Variants in FGF14 observed in about 807,000 individuals in gnomAD.
FGF14 encodes fibroblast growth factor 14.
A neutral mutation model predicts 25.5 loss-of-function variants in FGF14; 5 were observed. That is an observed-to-expected ratio of 0.20 (90% CI 0.10 to 0.41). The LOEUF is 0.41. Ranked by LOEUF, FGF14 falls within the 10% of genes least tolerant of loss-of-function variation. The pLI, the probability that FGF14 is intolerant of heterozygous loss-of-function variation, is 1.00. For missense variants in FGF14, 222 were observed against 320.1 expected (o/e 0.69, Z 2.34); for synonymous variants, 138 against 118.3 (o/e 1.17, Z -1.08).
At chr13:101,830,064 A>G (rs887116312) in intron 3 of FGF14, among the ~76,000 whole-genome samples, 16 of 152,074 alleles carry the variant, frequency 1.1e-4, no homozygotes, top group African/African-American at 3.6e-4. Flanking sequence ...AATCTCCTGA[A>G]GTATTAGTTA....
At chr13:101,836,485 A>C (rs888226632) in intron 3 of FGF14, among the ~76,000 whole-genome samples, 1 of 152,128 alleles carries the variant, frequency 6.6e-6, no homozygotes, top group Admixed American at 6.6e-5. Context: ...TACCTGAGGT[A>C]ACAACCGAAG....
At chr13:102,314,069 C>A (rs1287542496) in intron 1 of FGF14, among the ~76,000 whole-genome samples, 1 of 151,552 alleles carries the variant, frequency 6.6e-6, no homozygotes, top group Non-Finnish European at 1.5e-5. Context: ...AGGGGCCACG[C>A]AAGCCATCTT....
intron 1 of FGF14, among the ~76,000 whole-genome samples, chr13:102,161,569 GAAAGAA>G (rs772230364): frequency 0.086 from 1,554 of 18,128 alleles, 56 homozygotes; most frequent in Non-Finnish European, 0.087. Flanking sequence ...TTTCTGTGAA[GAAAGAA>G]AGAAGAAGAA....
At chr13:101,741,951 A>G (rs1271826772) in intron 3 of FGF14, among the ~76,000 whole-genome samples, 16 of 152,152 alleles carry the variant, frequency 1.1e-4, no homozygotes, top group Non-Finnish European at 8.8e-5. Flanking sequence ...ACTTTTAAGG[A>G]TAATAGAAAA....
chr13:101,944,157 G>C (rs1035628824), intron 1 of FGF14, among the ~76,000 whole-genome samples: 23 of 152,072 alleles, frequency 1.5e-4, no homozygotes, highest in Admixed American at 9.8e-4. Flanking sequence ...AAGTTTTATG[G>C]CCAAAGAGGC....
chr13:102,076,141 GTCTACA>G (rs1281867043), intron 1 of FGF14, among the ~76,000 whole-genome samples: 3 of 151,988 alleles, frequency 2.0e-5, no homozygotes, highest in African/African-American at 7.3e-5. Context: ...TGATTATGAA[GTCTACA>G]GTAGTATGTC....
At chr13:102,255,185 T>C (rs1248825204) in intron 1 of FGF14, among the ~76,000 whole-genome samples, 50 of 152,196 alleles carry the variant, frequency 3.3e-4, no homozygotes, top group Non-Finnish European at 1.3e-4. Flanking sequence ...TTCTATATTC[T>C]ATTACTCCTT....
intron 3 of FGF14, among the ~76,000 whole-genome samples, chr13:101,789,084 C>A (rs574317408): frequency 2.2e-4 from 33 of 151,600 alleles, no homozygotes; most frequent in Middle Eastern, 6.8e-3. Flanking sequence ...GATTTATTAG[C>A]CAGGGTGACT....
chr13:102,395,943 TAAAA>T (rs897101451), intron 1 of FGF14, among the ~76,000 whole-genome samples: 1 of 151,930 alleles, frequency 6.6e-6, no homozygotes, highest in Non-Finnish European at 1.5e-5. Flanking sequence ...CTGACCAAAG[TAAAA>T]AAAATAGTGG....
chr13:101,798,839 T>A (rs1011250622), intron 3 of FGF14, among the ~76,000 whole-genome samples: 2 of 152,164 alleles, frequency 1.3e-5, no homozygotes, highest in Non-Finnish European at 2.9e-5. Context: ...AACTTATGAC[T>A]GTGCAGGCTG....
At chr13:102,033,876 G>GACGT (rs1402172924) in intron 1 of FGF14, among the ~76,000 whole-genome samples, 1 of 152,130 alleles carries the variant, frequency 6.6e-6, no homozygotes, top group Non-Finnish European at 1.5e-5. Flanking sequence ...ACAGCATGGA[G>GACGT]ACGTACAGTG....
At chr13:101,758,319 G>A (rs1323597628) in intron 3 of FGF14, among the ~76,000 whole-genome samples, 1 of 152,218 alleles carries the variant, frequency 6.6e-6, no homozygotes, top group African/African-American at 2.4e-5. Context: ...CAGAAAGCTA[G>A]TTAAAATGTA....
Position 101,825,396 on chromosome 13 carries a change from T to A in FGF14, c.408+43329A>T, listed in dbSNP as rs73557476. Among the ~76,000 whole-genome samples the A allele has an allele frequency of 9.8e-3, 1,498 of 152,344 alleles. 24 individuals carry two copies. The highest frequency in any genetic ancestry group is 0.034 in the African/African-American group (1,434 of 41,586). ...ATGGTTTGTTTCTTCCTATTACTCA[T>A]GGATTTCAACACAATCCTGAGTCTG... On this transcript the variant is annotated intron_variant, in intron 3 of 4. Transcript: ENST00000376143.
At chr13:102,130,567 C>CT (rs2046152996) in intron 1 of FGF14, among the ~76,000 whole-genome samples, 1 of 152,138 alleles carries the variant, frequency 6.6e-6, no homozygotes, top group Non-Finnish European at 1.5e-5. Flanking sequence ...ATTAATACCC[C>CT]CTTTGTCAGA....
In FGF14 at chr13:102,181,117, T is replaced by C. The variant is rs115426060; in HGVS notation, c.208+220354A>G. On this transcript the variant is annotated intron_variant, in intron 1 of 4. Coordinates refer to the FGF14 transcript ENST00000376131. ...CATCATTGAGAATAATTTCTCCAGA[T>C]TTGCAATCAGTTTGATGATAAAGAA... Among the ~76,000 whole-genome samples the C allele has an allele frequency of 2.3e-3, 351 of 152,258 alleles. 1 individual carries two copies. Among genetic ancestry groups the C allele is most frequent in the African/African-American group, 8.0e-3 (332 of 41,560 alleles).
intron 1 of FGF14, among the ~76,000 whole-genome samples, chr13:102,054,414 T>C (rs189506022): frequency 2.0e-5 from 3 of 152,328 alleles, no homozygotes; most frequent in African/African-American, 7.2e-5. Context: ...GTGAGGAAGA[T>C]AGTCCCATAC....
intron 1 of FGF14, among the ~76,000 whole-genome samples, chr13:102,006,727 CTTTTTTTTTTTTTTT>C (rs774872814): frequency 1.6e-5 from 1 of 61,948 alleles, no homozygotes; most frequent in East Asian, 5.3e-4. Context: ...AATCTTACTT[CTTTTTTTTTTTTTTT>C]TTTTTTTTTT....
chr13:101,714,618 A>G lies in FGF14; in HGVS notation c.*8213T>C. On this transcript the variant is annotated 3_prime_UTR_variant, in exon 5 of 5. Transcript: ENST00000376143. ...GTTATAGAGCCAAGAGACACTCGTC[A>G]TGCAATGCTTTAGGTGGCTGGACCA... 1.0e-6 allele frequency: 1 copy of G among 963,480 alleles called. No homozygotes were observed. Among genetic ancestry groups the G allele is most frequent in the Non-Finnish European group, 1.7e-6 (1 of 588,720 alleles). 59.7% of individuals were successfully genotyped at this position (963,480 alleles called of 1,614,324 possible). A position where few individuals can be genotyped will look rare whatever the true frequency, so the allele number is the denominator to read the frequency against.
chr13:101,723,043 A>G, intron 4 of FGF14, 76 bp from the exon 5 acceptor site: 1 of 1,549,160 alleles, frequency 6.5e-7, no homozygotes, highest in Non-Finnish European at 8.9e-7. Flanking sequence ...CCATACCTGC[A>G]TAGACCACTG....
Sources: allele counts gnomAD v4.1 joint callset (sites outside exome capture counted in the v4.1 genomes callset), GRCh38; gene constraint gnomAD v4.1.1; transcripts MANE v1.5; gene names NCBI Gene and HGNC (gene_info 2026-07-23, HGNC 2026-07-21).